UTY: variants seen among roughly 807,000 people sequenced by gnomAD.
UTY encodes the protein histone demethylase UTY.
UTY carries 12 observed loss-of-function variants against 32.5 expected under a neutral mutation model. The observed-to-expected ratio is 0.37, with a 90% CI of 0.24 to 0.60. The LOEUF is 0.60. Among genes scored for constraint, UTY ranks in the 20% least tolerant of loss-of-function variants. UTY has a pLI of 0.69. For missense variants in UTY, 303 were observed against 299.2 expected, an observed-to-expected ratio of 1.01 and a Z score of -0.09; for synonymous variants, 131 against 103.4, an observed-to-expected ratio of 1.27 and a Z score of -1.62.
At chrY:13,353,109 A>T in intron 17 of UTY, among the ~76,000 whole-genome samples, 3 of 34,379 alleles carry the variant, frequency 8.7e-5, no homozygotes, top group Non-Finnish European at 2.2e-4. Flanking sequence ...CAGTGGAAGA[A>T]GATGTGATTT....
At chrY:13,291,917 A>T in intron 27 of UTY, among the ~76,000 whole-genome samples, 1 of 33,014 alleles carries the variant, frequency 3.0e-5, no homozygotes. Context: ...AAAACTGGAT[A>T]TAGAAAGAAC....
intron 27 of UTY, among the ~76,000 whole-genome samples, chrY:13,285,165 A>C (rs1603302699): frequency 5.9e-5 from 2 of 34,006 alleles, no homozygotes; most frequent in East Asian, 1.6e-3. Context: ...AGAGCTTATC[A>C]ATCAGTCACC....
chrY:13,251,011 A>C lies in UTY; in HGVS notation c.4308+6T>G. 1 of 397,922 alleles carries C rather than the reference A, an allele frequency of 2.5e-6. No homozygotes were observed. Among genetic ancestry groups the C allele is most frequent in the Non-Finnish European group, 3.5e-6 (1 of 282,830 alleles). On this transcript the variant is annotated splice_donor_region_variant and intron_variant, in intron 29 of 29. Coordinates refer to ENST00000545955, the MANE Select transcript of UTY (RefSeq NM_001258249.2). ...AATTAAGTGTACTCACGTGTTAATGACTTACTAGTGTAAATTGATCATAAA... is the reference window on the plus strand; with the variant it reads ...AATTAAGTGTACTCACGTGTTAATGCCTTACTAGTGTAAATTGATCATAAA...
intron 8 of UTY, among the ~76,000 whole-genome samples, chrY:13,379,269 A>G (rs2065732527): frequency 3.0e-5 from 1 of 33,729 alleles, no homozygotes; most frequent in African/African-American, 1.2e-4. Context: ...ATCTTAAAAT[A>G]TTTAAAATGT....
chrY:13,383,504 GA>G (rs2066381807), intron 8 of UTY, among the ~76,000 whole-genome samples: 1 of 26,829 alleles, frequency 3.7e-5, no homozygotes, highest in Non-Finnish European at 8.5e-5. Context: ...TGATGTAGGA[GA>G]ATGGCATGAA....
At chrY:13,463,015 C>G in intron 3 of UTY, among the ~76,000 whole-genome samples, 1 of 30,037 alleles carries the variant, frequency 3.3e-5, no homozygotes, top group Admixed American at 3.1e-4. Flanking sequence ...TTCCTCCCCC[C>G]TCCCCCCAAC....
intron 24 of UTY, among the ~76,000 whole-genome samples, chrY:13,305,027 G>A: frequency 3.4e-5 from 1 of 29,204 alleles, no homozygotes; most frequent in East Asian, 8.6e-4. Context: ...AGCGCATCAC[G>A]TTTTCAGTAT....
At chrY:13,478,266 T>C in intron 2 of UTY, among the ~76,000 whole-genome samples, 1 of 33,371 alleles carries the variant, frequency 3.0e-5, no homozygotes. Flanking sequence ...TAACAAGATT[T>C]TGGTGAGAGG....
chrY:13,313,348 G>C, intron 21 of UTY, among the ~76,000 whole-genome samples: 1 of 33,559 alleles, frequency 3.0e-5, no homozygotes, highest in Non-Finnish European at 7.4e-5. Context: ...AACAGAATCT[G>C]TTTAGGATTA....
intron 3 of UTY, among the ~76,000 whole-genome samples, chrY:13,452,452 T>C: frequency 3.0e-5 from 1 of 32,914 alleles, no homozygotes; most frequent in Admixed American, 2.8e-4. Context: ...ATGAAAAAGA[T>C]GGGAGAAATG....
At position 13,359,111 on chromosome Y, in the gene UTY, C is replaced by T; in HGVS notation, c.1297G>A (p.Gly433Ser). 2.5e-6 allele frequency: 1 copy of T among 396,621 alleles called. No homozygotes were observed. Among genetic ancestry groups the T allele is most frequent in the South Asian group, 3.0e-5 (1 of 33,334 alleles). The change falls in exon 13 of 30, where the codon GGT becomes AGT. Residue 433 changes from glycine to serine, a missense_variant. Gly to Ser is a moderately conservative substitution (Grantham distance 56, BLOSUM62 0). Coordinates refer to ENST00000545955, the MANE Select transcript of UTY (RefSeq NM_001258249.2). ...PIPAELTSRQ[G>S]AMNTAQQAYR... Reference sequence around the variant, plus strand: ...ACCTGCTGTGCTGTGTTCATGGCACCCTGCCTGGAGGTAAGCTCTGCGGGG... The same window carrying T: ...ACCTGCTGTGCTGTGTTCATGGCACTCTGCCTGGAGGTAAGCTCTGCGGGG...
chrY:13,253,973 T>C, intron 28 of UTY, among the ~76,000 whole-genome samples: 1 of 32,860 alleles, frequency 3.0e-5, no homozygotes, highest in African/African-American at 1.2e-4. Context: ...TCACTTCAGG[T>C]GGGAAACAAT....
intron 3 of UTY, among the ~76,000 whole-genome samples, chrY:13,463,179 T>TA (rs2077558727): frequency 3.1e-5 from 1 of 32,340 alleles, no homozygotes; most frequent in Non-Finnish European, 7.5e-5. Context: ...TCCATGTCCC[T>TA]ACAAAGGACA....
intron 2 of UTY, among the ~76,000 whole-genome samples, chrY:13,476,387 GCAAA>G (rs2079052442): frequency 5.9e-5 from 2 of 33,623 alleles, no homozygotes; most frequent in Non-Finnish European, 1.5e-4. Context: ...TTACAGGTTA[GCAAA>G]CAAAACGCAT....
chrY:13,480,666 T>C (rs2079580330), upstream of UTY: 1 of 14,152 alleles, frequency 7.1e-5, no homozygotes, highest in Non-Finnish European at 1.5e-4. Flanking sequence ...CAACAAACGA[T>C]GAGCAAAAAA....
chrY:13,287,446 T>A, intron 27 of UTY: 1 of 232,511 alleles, frequency 4.3e-6, no homozygotes, highest in Non-Finnish European at 7.2e-6. Flanking sequence ...CAAACAAATA[T>A]CATGGAGGTC....
chrY:13,460,968 T>C (rs2077302775), intron 3 of UTY, among the ~76,000 whole-genome samples: 1 of 32,906 alleles, frequency 3.0e-5, no homozygotes, highest in East Asian at 7.8e-4. Flanking sequence ...TACATAATTT[T>C]TATGTCATTT....
intron 4 of UTY, among the ~76,000 whole-genome samples, chrY:13,425,198 T>A: frequency 5.9e-5 from 2 of 33,688 alleles, no homozygotes; most frequent in African/African-American, 2.3e-4. Flanking sequence ...GCAAGGAAAA[T>A]CATTGTTTTA....
chrY:13,371,485 T>C, intron 8 of UTY, among the ~76,000 whole-genome samples: 1 of 33,152 alleles, frequency 3.0e-5, no homozygotes, highest in South Asian at 6.7e-4. Flanking sequence ...GTTACCCACA[T>C]GCAAATGAAG....
Sources: allele counts gnomAD v4.1 joint callset (sites outside exome capture counted in the v4.1 genomes callset), GRCh38; gene constraint gnomAD v4.1.1; transcripts MANE v1.5; gene names NCBI Gene and HGNC (gene_info 2026-07-23, HGNC 2026-07-21).